Variants in KCNIP4 observed in about 807,000 individuals in gnomAD.
KCNIP4 encodes potassium voltage-gated channel interacting protein 4, also known as Kv channel-interacting protein 4.
A neutral mutation model predicts 34.0 loss-of-function variants in KCNIP4; 12 were observed. The observed-to-expected ratio is 0.35, with a 90% CI of 0.23 to 0.57. KCNIP4 has a LOEUF of 0.57. Among genes scored for constraint, KCNIP4 ranks in the 20% least tolerant of loss-of-function variants. KCNIP4 has a pLI of 0.83. For missense variants in KCNIP4, 238 were observed against 311.7 expected (o/e 0.76, Z 1.78); for synonymous variants, 124 against 102.2 (o/e 1.21, Z -1.29).
intron 1 of KCNIP4, among the ~76,000 whole-genome samples, chr4:21,670,517 C>T (rs1749394526): frequency 1.3e-5 from 2 of 151,792 alleles, no homozygotes; most frequent in East Asian, 3.9e-4. Context: ...CACATGTATA[C>T]ATATGTAACT....
intron 1 of KCNIP4, among the ~76,000 whole-genome samples, chr4:21,369,180 T>C (rs926816639): frequency 3.4e-5 from 5 of 147,344 alleles, no homozygotes; most frequent in Non-Finnish European, 7.3e-5. Flanking sequence ...GGTAGTGTTA[T>C]GAGAATTACG....
chr4:21,695,896 C>A (rs1299135213), intron 1 of KCNIP4, among the ~76,000 whole-genome samples: 2 of 152,046 alleles, frequency 1.3e-5, no homozygotes, highest in Non-Finnish European at 2.9e-5. Context: ...ATAAATGGCA[C>A]ATCATCCTTA....
At chr4:21,809,576 C>A (rs1480284228) in intron 1 of KCNIP4, among the ~76,000 whole-genome samples, 2 of 152,300 alleles carry the variant, frequency 1.3e-5, no homozygotes, top group East Asian at 3.9e-4. Flanking sequence ...GTAGGTATCT[C>A]ATCTTTCCAG....
chr4:21,398,494 C>A (rs1219219665), intron 1 of KCNIP4, among the ~76,000 whole-genome samples: 1 of 152,080 alleles, frequency 6.6e-6, no homozygotes, highest in Middle Eastern at 3.2e-3. Context: ...TTTTGCTCTC[C>A]CATAAATTAA....
intron 1 of KCNIP4, among the ~76,000 whole-genome samples, chr4:20,924,481 TCAATATATTG>T (rs1729707242): frequency 6.6e-6 from 1 of 152,228 alleles, no homozygotes; most frequent in African/African-American, 2.4e-5. Flanking sequence ...AGAGTCTATT[TCAATATATTG>T]CAATATAAAA....
rs569448125 is a variant in KCNIP4, at chr4:21,611,519, T to C, written c.61+337052A>G. Among the ~76,000 whole-genome samples, 3 of 152,258 alleles carry C rather than the reference T, an allele frequency of 2.0e-5. No individual in the cohort carries two copies. The South Asian group carries it at 6.2e-4, about 32-fold the overall frequency. On this transcript the variant is annotated intron_variant, in intron 1 of 8. Coordinates refer to ENST00000382152, the MANE Select transcript of KCNIP4 (RefSeq NM_025221.6). ...AGATTTGGGTGGGGACACAGCCAAA[T>C]CATATCAGTGAGCAATTAAGGAATT...
At chr4:20,864,382 T>A (rs577566349) in intron 2 of KCNIP4, among the ~76,000 whole-genome samples, 214 of 151,026 alleles carry the variant, frequency 1.4e-3, no homozygotes, top group African/African-American at 4.9e-3. Context: ...ATACATTTTA[T>A]ATATACATGT....
intron 1 of KCNIP4, among the ~76,000 whole-genome samples, chr4:21,767,367 T>C (rs188434900): frequency 6.6e-6 from 1 of 152,012 alleles, no homozygotes; most frequent in Admixed American, 6.6e-5. Context: ...GATACTTCCA[T>C]GGCTCTGTGG....
chr4:20,963,199 C>T (rs372861622), intron 1 of KCNIP4, among the ~76,000 whole-genome samples: 43 of 151,978 alleles, frequency 2.8e-4, no homozygotes, highest in African/African-American at 9.2e-4. Context: ...TGGTGACACA[C>T]GCCTGTAGTC....
rs377063802 is a variant in KCNIP4, at chr4:21,905,608, C to CA, written c.61+42962dup. 4.9e-3 allele frequency among the ~76,000 whole-genome samples: 750 copies of CA among 152,084 alleles called. 8 individuals carry two copies. Among genetic ancestry groups the CA allele is most frequent in the African/African-American group, 0.017 (711 of 41,478 alleles). ...CATTCTCAGCAAACTATCGCAAGGACAAAAAACCAAACACCGGATGTTCTC... is the reference window on the plus strand; with the variant it reads ...CATTCTCAGCAAACTATCGCAAGGACAAAAAAACCAAACACCGGATGTTCTC... On this transcript the variant is annotated intron_variant, in intron 1 of 8. Transcript: ENST00000382152.
chr4:21,941,996 G>T (rs929341869), intron 1 of KCNIP4, among the ~76,000 whole-genome samples: 1 of 152,166 alleles, frequency 6.6e-6, no homozygotes. Flanking sequence ...AAAAGACTGG[G>T]CAAGAAGAGG....
chr4:21,537,451 A>G (rs1169760002), intron 1 of KCNIP4, among the ~76,000 whole-genome samples: 2 of 152,134 alleles, frequency 1.3e-5, no homozygotes, highest in Admixed American at 1.3e-4. Flanking sequence ...TATATCTGAA[A>G]GTACAGGAAC....
intron 1 of KCNIP4, among the ~76,000 whole-genome samples, chr4:21,051,428 G>T (rs546177010): frequency 6.6e-6 from 1 of 152,216 alleles, no homozygotes; most frequent in African/African-American, 2.4e-5. Context: ...TTAATAAAAA[G>T]CAGTAATTAA....
chr4:20,914,764 G>A (rs1408942895), intron 1 of KCNIP4, among the ~76,000 whole-genome samples: 1 of 152,248 alleles, frequency 6.6e-6, no homozygotes, highest in East Asian at 1.9e-4. Flanking sequence ...TGGCCAAACA[G>A]TATAGAAATA....
At chr4:20,903,176 A>C (rs1344417489) in intron 1 of KCNIP4, among the ~76,000 whole-genome samples, 2 of 152,210 alleles carry the variant, frequency 1.3e-5, no homozygotes, top group African/African-American at 2.4e-5. Context: ...ATCTGAAAAC[A>C]CTGCAAACTA....
At chr4:21,439,597 A>T (rs1727270955) in intron 1 of KCNIP4, among the ~76,000 whole-genome samples, 1 of 152,182 alleles carries the variant, frequency 6.6e-6, no homozygotes, top group Non-Finnish European at 1.5e-5. Context: ...GGTAAACAGG[A>T]GTCTGCTAAT....
chr4:21,668,065 G>A (rs1221561802), intron 1 of KCNIP4, among the ~76,000 whole-genome samples: 1 of 152,214 alleles, frequency 6.6e-6, no homozygotes, highest in Non-Finnish European at 1.5e-5. Flanking sequence ...AAAGGAATGA[G>A]ATCATGTCCT....
chr4:21,363,742 T>A (rs1719455241), intron 1 of KCNIP4, among the ~76,000 whole-genome samples: 1 of 152,196 alleles, frequency 6.6e-6, no homozygotes, highest in Non-Finnish European at 1.5e-5. Context: ...AAGCTTGATA[T>A]CATTCCTGCC....
intron 1 of KCNIP4, among the ~76,000 whole-genome samples, chr4:21,923,989 G>A (rs949101680): frequency 6.6e-6 from 1 of 152,128 alleles, no homozygotes; most frequent in African/African-American, 2.4e-5. Flanking sequence ...AAGAGAGTCA[G>A]GTATAGGTCA....
Sources: allele counts gnomAD v4.1 joint callset (sites outside exome capture counted in the v4.1 genomes callset), GRCh38; gene constraint gnomAD v4.1.1; transcripts MANE v1.5; gene names NCBI Gene and HGNC (gene_info 2026-07-23, HGNC 2026-07-21).